The following MDFIC2 variants were observed in gnomAD, a reference collection of about 807,000 sequenced individuals.
MDFIC2 encodes myoD family inhibitor domain-containing protein 2.
chr3:70,245,694 TA>T (rs1701700501), intron 2 of MDFIC2, among the ~76,000 whole-genome samples: 2 of 137,434 alleles, frequency 1.5e-5, no homozygotes, highest in Non-Finnish European at 1.6e-5. Context: ...TATATATATA[TA>T]TATATATATA....
rs917138452 is a variant in MDFIC2 at position 70,194,678 on chromosome 3, C to G, written c.*2248G>C. ...ACATAAGACCTGGTGATTTTTATGTCTCTAATTGACAAGCATTCAATTCAC... is the reference window on the plus strand; with the variant it reads ...ACATAAGACCTGGTGATTTTTATGTGTCTAATTGACAAGCATTCAATTCAC... On this transcript the variant is annotated 3_prime_UTR_variant, in exon 4 of 4. Coordinates refer to ENST00000567252, the MANE Select transcript of MDFIC2 (RefSeq NM_001364677.1). Among the ~76,000 whole-genome samples, 9 of 152,278 alleles carry G rather than the reference C, an allele frequency of 5.9e-5. No individual in the cohort carries two copies. Among genetic ancestry groups the G allele is most frequent in the African/African-American group, 2.2e-4 (9 of 41,560 alleles).
chr3:70,223,710 G>A (rs1701479548), intron 2 of MDFIC2, among the ~76,000 whole-genome samples: 1 of 152,116 alleles, frequency 6.6e-6, no homozygotes, highest in Non-Finnish European at 1.5e-5. Flanking sequence ...AGTTTTAAGA[G>A]CATCCTAGAA....
At chr3:70,265,707 T>C (rs566587828) in intron 2 of MDFIC2, among the ~76,000 whole-genome samples, 4 of 152,348 alleles carry the variant, frequency 2.6e-5, no homozygotes, top group Non-Finnish European at 4.4e-5. Flanking sequence ...TGCCTGAGAA[T>C]GGGCAATTTA....
At chr3:70,238,831 A>G (rs1395169450) in intron 2 of MDFIC2, among the ~76,000 whole-genome samples, 1 of 151,924 alleles carries the variant, frequency 6.6e-6, no homozygotes, top group Non-Finnish European at 1.5e-5. Context: ...ATGACCTGTA[A>G]TGGAAAGAGA....
At chr3:70,207,110 A>G (rs542418100) in intron 2 of MDFIC2, among the ~76,000 whole-genome samples, 1 of 151,364 alleles carries the variant, frequency 6.6e-6, no homozygotes, top group South Asian at 2.1e-4. Context: ...CTCATAGTAC[A>G]TTGTCAGCCT....
chr3:70,225,888 CT>C (rs1417509809), intron 2 of MDFIC2, among the ~76,000 whole-genome samples: 9 of 152,142 alleles, frequency 5.9e-5, no homozygotes, highest in African/African-American at 2.2e-4. Context: ...CCTCTGAGGG[CT>C]TAAGAATTAT....
intron 2 of MDFIC2, among the ~76,000 whole-genome samples, chr3:70,234,957 C>T (rs1203984004): frequency 6.6e-6 from 1 of 152,176 alleles, no homozygotes; most frequent in Admixed American, 6.5e-5. Context: ...GTCTGGAGTG[C>T]AGTCTGGGCA....
intron 2 of MDFIC2, among the ~76,000 whole-genome samples, chr3:70,258,126 A>T (rs1480943495): frequency 2.6e-5 from 4 of 152,196 alleles, no homozygotes; most frequent in Non-Finnish European, 5.9e-5. Flanking sequence ...ATCATAGACA[A>T]AAAAATTAAT....
intron 2 of MDFIC2, among the ~76,000 whole-genome samples, chr3:70,209,627 C>G (rs191629164): frequency 1.3e-5 from 2 of 152,194 alleles, no homozygotes; most frequent in Admixed American, 1.3e-4. Flanking sequence ...AACTGAGATT[C>G]AAATCTAGGC....
At chr3:70,284,037 T>G (rs1702116175) in intron 2 of MDFIC2, among the ~76,000 whole-genome samples, 1 of 152,148 alleles carries the variant, frequency 6.6e-6, no homozygotes, top group Non-Finnish European at 1.5e-5. Flanking sequence ...GTATTGGCTA[T>G]TGGTTTTTTA....
intron 2 of MDFIC2, among the ~76,000 whole-genome samples, chr3:70,216,140 A>G (rs1051580909): frequency 3.3e-5 from 5 of 151,616 alleles, no homozygotes; most frequent in African/African-American, 1.2e-4. Flanking sequence ...TTATAGATGT[A>G]TATGTATATA....
intron 2 of MDFIC2, among the ~76,000 whole-genome samples, chr3:70,257,395 A>G (rs1156742586): frequency 6.6e-6 from 1 of 152,172 alleles, no homozygotes; most frequent in Non-Finnish European, 1.5e-5. Flanking sequence ...TCTTTTGCAG[A>G]GAACCTGTTC....
At chr3:70,272,557 A>G (rs894776873) in intron 2 of MDFIC2, among the ~76,000 whole-genome samples, 9 of 152,234 alleles carry the variant, frequency 5.9e-5, no homozygotes, top group Non-Finnish European at 1.2e-4. Context: ...TAAGGCTGCT[A>G]TAAACATTCC....
Position 70,245,530 on chromosome 3 carries a change from A to G in MDFIC2, c.89-38740T>C, listed in dbSNP as rs556909148. ...AAATAGAAAGCAGTTTTAATTCTGT[A>G]CTACTTACTTAATATTGATGCCAAC... On this transcript the variant is annotated intron_variant, in intron 2 of 3. Coordinates refer to ENST00000567252, the MANE Select transcript of MDFIC2 (RefSeq NM_001364677.1). Among the ~76,000 whole-genome samples, 21 of 151,540 alleles carry G rather than the reference A, an allele frequency of 1.4e-4. No homozygotes were observed. The South Asian group carries it at 4.2e-3, about 30-fold the overall frequency.
At chr3:70,272,601 T>A (rs1275378822) in intron 2 of MDFIC2, among the ~76,000 whole-genome samples, 1 of 152,246 alleles carries the variant, frequency 6.6e-6, no homozygotes, top group East Asian at 1.9e-4. Flanking sequence ...ATGTTTTTAT[T>A]TCTCTTGGGT....
chr3:70,306,566 C>T (rs562475988), intron 2 of MDFIC2, among the ~76,000 whole-genome samples: 1 of 152,176 alleles, frequency 6.6e-6, no homozygotes, highest in East Asian at 1.9e-4. Context: ...TGTTTATTGC[C>T]CATTCCCCAC....
chr3:70,210,456 A>G lies in MDFIC2; in HGVS notation c.89-3666T>C, dbSNP rs575700793. Among the ~76,000 whole-genome samples, 3 of 152,222 alleles carry G rather than the reference A, an allele frequency of 2.0e-5. No individual in the cohort carries two copies. The South Asian group carries it at 6.2e-4, about 32-fold the overall frequency. On this transcript the variant is annotated intron_variant, in intron 2 of 3. Coordinates refer to ENST00000567252, the MANE Select transcript of MDFIC2 (RefSeq NM_001364677.1). ...ATTCTGACATCTGAAGTGAGTCACAATTTTTGGGTGAATGTTACTGACATC... is the reference window on the plus strand; with the variant it reads ...ATTCTGACATCTGAAGTGAGTCACAGTTTTTGGGTGAATGTTACTGACATC...
chr3:70,207,694 C>A (rs1701305574), intron 2 of MDFIC2, among the ~76,000 whole-genome samples: 1 of 151,974 alleles, frequency 6.6e-6, no homozygotes, highest in Non-Finnish European at 1.5e-5. Flanking sequence ...AGTATAACAA[C>A]CACTTACATA....
rs572279146 is a variant in MDFIC2, at chr3:70,228,768, A to G, written c.89-21978T>C. ...TTTTTTTTTTTTACTAACAACAGTC[A>G]AGTTTCATTTGCATTCTCCTTTTCT... On this transcript the variant is annotated intron_variant, in intron 2 of 3. Coordinates refer to ENST00000567252, the MANE Select transcript of MDFIC2 (RefSeq NM_001364677.1). 5.9e-4 allele frequency among the ~76,000 whole-genome samples: 89 copies of G among 151,740 alleles called. 1 individual carries two copies. Among genetic ancestry groups the G allele is most frequent in the South Asian group, 3.7e-3 (18 of 4,818 alleles).
Sources: allele counts gnomAD v4.1 joint callset (sites outside exome capture counted in the v4.1 genomes callset), GRCh38; gene constraint gnomAD v4.1.1; transcripts MANE v1.5; gene names NCBI Gene and HGNC (gene_info 2026-07-23, HGNC 2026-07-21).